COL18A1: variants seen among roughly 807,000 people sequenced by gnomAD.
The protein encoded by COL18A1 is collagen type XVIII alpha 1 chain, also known as collagen alpha-1(XVIII) chain.
COL18A1 carries 133 observed loss-of-function variants against 168.0 expected under a neutral mutation model. That is an observed-to-expected ratio of 0.79 (90% CI 0.69 to 0.91). The LOEUF (loss-of-function observed/expected upper bound fraction) is 0.91. Among genes scored for constraint, COL18A1 ranks in the 40% least tolerant of loss-of-function variants. The probability of loss-of-function intolerance (pLI) is 0.00; values close to 1 mark genes in which losing one functional copy is unlikely to be tolerated. For missense variants in COL18A1, 2,126 were observed against 1,925.4 expected (o/e 1.10, Z -1.95); for synonymous variants, 949 against 809.0 (o/e 1.17, Z -2.94).
In COL18A1 at chr21:45,505,390, G is replaced by A. The variant is rs1176444402; in HGVS notation, c.3046G>A (p.Gly1016Arg). 1 of 1,577,066 alleles carries A rather than the reference G, an allele frequency of 6.3e-7. No homozygotes were observed. The highest frequency in any genetic ancestry group is 1.7e-5 in the Admixed American group (1 of 58,158). ...CGTTCCCGGCCCTCCGGGCCCCCCT[G>A]GGCCCCCTGGGCCCCCTGGAACCAT... ...ISVPGPPGPP[G>R]PPGPPGTMGA... The change falls in exon 36 of 42, where the codon GGG becomes AGG. Residue 1016 changes from glycine (G) to arginine (R), a missense_variant. Gly to Arg is a moderately radical substitution (Grantham distance 125). Transcript: ENST00000651438.
At chr21:45,487,664 G>T in intron 17 of COL18A1, 155 bp downstream of exon 17, 1 of 936,302 alleles carries the variant, frequency 1.1e-6, no homozygotes. Context: ...TGCCCCGCGG[G>T]CCACCCTTGT....
rs2035739552 is a variant in COL18A1, at chr21:45,477,943, C to T, written c.1199C>T (p.Thr400Ile). The part of the protein sequence containing the change: ...GPPGPPGRDG[T>I]PGRDGEPGDP... Reference sequence around the variant, plus strand: ...CCAGGGCCTCCGGGGAGGGACGGCACCCCTGGAAGGGACGGCGAGCCGGTG... The same window carrying T: ...CCAGGGCCTCCGGGGAGGGACGGCATCCCTGGAAGGGACGGCGAGCCGGTG... The change falls in exon 8 of 42, where the codon ACC becomes ATC. Residue 400 changes from threonine (T) to isoleucine (I), a missense_variant. Coordinates refer to ENST00000651438, the MANE Select transcript of COL18A1 (RefSeq NM_001379500.1). 2.6e-6 allele frequency: 4 copies of T among 1,549,412 alleles called. No individual in the cohort carries two copies. Among genetic ancestry groups the T allele is most frequent in the African/African-American group, 1.4e-5 (1 of 73,298 alleles).
At chr21:45,468,820 A>T in intron 3 of COL18A1, 34 bp downstream of exon 3, 1 of 1,052,084 alleles carries the variant, frequency 9.5e-7, no homozygotes, top group Non-Finnish European at 1.4e-6. Flanking sequence ...GGGGGACTGG[A>T]GCAGCTGGGA....
intron 18 of COL18A1, 129 bp from the exon 19 acceptor site, chr21:45,489,357 G>A (rs1012144789): frequency 1.0e-4 from 81 of 777,630 alleles, no homozygotes; most frequent in South Asian, 2.5e-4. Context: ...GGGACCCCTC[G>A]GCTCTGGGCT....
chr21:45,475,663 C>T lies in COL18A1; in HGVS notation c.798+128C>T, dbSNP rs1602479643. ...TCCCTCTATGCCACGAAGACATATTCCTGGCTGGGGACAGGGATGCTGGGC... is the reference window on the plus strand; with the variant it reads ...TCCCTCTATGCCACGAAGACATATTTCTGGCTGGGGACAGGGATGCTGGGC... On this transcript the variant is annotated intron_variant, in intron 5 of 41. Transcript: ENST00000651438. The T allele has an allele frequency of 1.8e-5, 15 of 841,326 alleles. No individual in the cohort carries two copies. In the East Asian group the frequency reaches 4.0e-4, roughly 22 times the overall value. 52.1% of individuals were successfully genotyped at this position (841,326 alleles called of 1,614,324 possible).
At chr21:45,444,582 T>C (rs961170868) in intron 2 of COL18A1, among the ~76,000 whole-genome samples, 5 of 152,058 alleles carry the variant, frequency 3.3e-5, no homozygotes, top group African/African-American at 1.2e-4. Context: ...AAATGCCAGC[T>C]GCGAGCACCG....
At chr21:45,422,263 G>A in intron 2 of COL18A1, 1 of 329,948 alleles carries the variant, frequency 3.0e-6, no homozygotes, top group Non-Finnish European at 6.3e-6. Context: ...AGGGACCCTG[G>A]CACACCCGCT....
rs1205452584 is a variant in COL18A1, at chr21:45,509,563, A to G, written c.3457A>G (p.Ser1153Gly). Reference protein sequence around the residue: ...YVHLRPARPTSPPAHSHRDFQ... With the variant: ...YVHLRPARPTGPPAHSHRDFQ... ...GCACCTGCGGCCGGCGCGACCCACAAGCCCACCCGCCCACAGCCACCGCGA... is the reference window on the plus strand; with the variant it reads ...GCACCTGCGGCCGGCGCGACCCACAGGCCCACCCGCCCACAGCCACCGCGA... Residue 1153 changes from serine to glycine, a missense_variant, in exon 39 of 42, where the codon AGC (serine) becomes GGC (glycine). Physicochemically the swap from Ser to Gly is moderately conservative, Grantham distance 56 (BLOSUM62 0). Coordinates refer to ENST00000651438, the MANE Select transcript of COL18A1 (RefSeq NM_001379500.1). 12 of 1,532,590 alleles carry G rather than the reference A, an allele frequency of 7.8e-6. No individual in the cohort carries two copies. In the East Asian group the frequency reaches 2.4e-4, roughly 31 times the overall value. 94.9% of individuals were successfully genotyped at this position (1,532,590 alleles called of 1,614,324 possible).
chr21:45,430,756 G>C (rs1269128545), intron 2 of COL18A1, among the ~76,000 whole-genome samples: 4 of 152,218 alleles, frequency 2.6e-5, no homozygotes, highest in African/African-American at 9.6e-5. Context: ...TGGCCCGGCT[G>C]GCTTTCCCCG....
Position 45,509,514 on chromosome 21 carries a change from A to T in COL18A1, c.3408A>T (p.Gly1136=). Reference sequence around the variant, plus strand: ...TGCCCGAGCCCCAGCCCTACCCCGGAGCCCCGCACCACAGCTCCTACGTGC... The same window carrying T: ...TGCCCGAGCCCCAGCCCTACCCCGGTGCCCCGCACCACAGCTCCTACGTGC... ...PRLPEPQPYP[G]APHHSSYVHL... The change falls in exon 39 of 42, where the codon GGA becomes GGT. Residue 1136 remains glycine, a synonymous_variant. Transcript: ENST00000651438. 6.5e-7 allele frequency: 1 copy of T among 1,532,864 alleles called. No individual in the cohort carries two copies. Among genetic ancestry groups the T allele is most frequent in the African/African-American group, 1.4e-5 (1 of 73,376 alleles). 95.0% of individuals were successfully genotyped at this position (1,532,864 alleles called of 1,614,324 possible).
chr21:45,473,749 C>G lies in COL18A1; in HGVS notation c.652-146C>G, dbSNP rs1037125446. 6 of 722,228 alleles carry G rather than the reference C, an allele frequency of 8.3e-6. No homozygotes were observed. Among genetic ancestry groups the G allele is most frequent in the Middle Eastern group, 3.6e-4 (1 of 2,766 alleles). 44.7% of individuals were successfully genotyped at this position (722,228 alleles called of 1,614,324 possible). On this transcript the variant is annotated intron_variant, in intron 3 of 41. Coordinates refer to ENST00000651438, the MANE Select transcript of COL18A1 (RefSeq NM_001379500.1). The surrounding 1 kb of genome is among the most constrained non-coding windows in gnomAD (Gnocchi z 4.0). Reference sequence around the variant, plus strand: ...TCTTCCTACCATGAGGCATACCGCACCCCCAGGGAGGCTGCCCGAGACCCC... The same window carrying G: ...TCTTCCTACCATGAGGCATACCGCAGCCCCAGGGAGGCTGCCCGAGACCCC...
intron 3 of COL18A1, among the ~76,000 whole-genome samples, chr21:45,472,803 A>AC (rs954541124): frequency 5.7e-5 from 8 of 140,750 alleles, no homozygotes; most frequent in African/African-American, 1.2e-4. Context: ...CAGGGTCCAC[A>AC]CCCCCCCACG....
At position 45,497,659 on chromosome 21, in the gene COL18A1, C is replaced by G. The variant is rs946508947; in HGVS notation, c.2681C>G (p.Pro894Arg). 4 of 1,566,132 alleles carry G rather than the reference C, an allele frequency of 2.6e-6. No homozygotes were observed. The highest frequency in any genetic ancestry group is 3.5e-6 in the Non-Finnish European group (4 of 1,155,906). The change falls in exon 32 of 42, where the codon CCA becomes CGA. Residue 894 changes from proline (P) to arginine (R), a missense_variant and splice_region_variant. Pro to Arg is a moderately radical substitution (Grantham distance 103, BLOSUM62 -2). Transcript: ENST00000651438. Reference sequence around the variant, plus strand: ...GGAGAAGTGGGCCCCCCCGGACCACCAGGTGAGCAACTCTGGACATCCCAG... The same window carrying G: ...GGAGAAGTGGGCCCCCCCGGACCACGAGGTGAGCAACTCTGGACATCCCAG... ...AKGEVGPPGP[P>R]GQFPFDFLQL...
intron 2 of COL18A1, among the ~76,000 whole-genome samples, chr21:45,437,987 GAC>G (rs772373791): frequency 0.019 from 310 of 16,418 alleles, 20 homozygotes; most frequent in Non-Finnish European, 0.023. Context: ...CACACACTCA[GAC>G]ACACAGGCAC....
intron 15 of COL18A1, among the ~76,000 whole-genome samples, chr21:45,483,256 C>T (rs1302656579): frequency 6.6e-6 from 1 of 152,110 alleles, no homozygotes; most frequent in Non-Finnish European, 1.5e-5. Flanking sequence ...AGGGGAGCCC[C>T]ATCCACCCGT....
Position 45,510,274 on chromosome 21 carries a change from A to G in COL18A1, c.3693+13A>G, listed in dbSNP as rs1285378982. On this transcript the variant is annotated intron_variant, in intron 40 of 41. Coordinates refer to ENST00000651438, the MANE Select transcript of COL18A1 (RefSeq NM_001379500.1). Reference sequence around the variant, plus strand: ...CGTCAACCTCAAGGTGGGTCAGTCCAGTCCTGAGGGCGCGGGCTCCTCGGC... The same window carrying G: ...CGTCAACCTCAAGGTGGGTCAGTCCGGTCCTGAGGGCGCGGGCTCCTCGGC... 1.9e-6 allele frequency: 3 copies of G among 1,595,168 alleles called. No individual in the cohort carries two copies. The highest frequency in any genetic ancestry group is 2.7e-5 in the African/African-American group (2 of 74,372).
chr21:45,484,068 TTCTCCAGCATATGTACACACACACACC>T (rs1435190400), intron 15 of COL18A1, among the ~76,000 whole-genome samples: 8 of 37,992 alleles, frequency 2.1e-4, no homozygotes, highest in Non-Finnish European at 3.5e-4. Flanking sequence ...ACACACACAC[TTCTCCAGCATATGTACACACACACACC>T]TCTCCAGCAT....
chr21:45,475,416 C>T (rs2035611379), intron 4 of COL18A1, 60 bp from the exon 5 acceptor site: 8 of 1,479,900 alleles, frequency 5.4e-6, no homozygotes, highest in East Asian at 2.4e-5. Context: ...CCAGGCCTGC[C>T]GGGCTCGGGG....
At chr21:45,509,652 G>T in intron 39 of COL18A1, 51 bp downstream of exon 39, 1 of 983,834 alleles carries the variant, frequency 1.0e-6, no homozygotes, top group Non-Finnish European at 1.6e-6. Context: ...CTCGGCTCTC[G>T]GCAGCAGAAG....
Sources: gnomAD v4.1 joint callset for allele counts (sites outside exome capture counted in the v4.1 genomes callset) on GRCh38, gnomAD v4.1.1 for gene constraint, Gnocchi (gnomAD v3.1) non-coding constraint, MANE v1.5 for transcripts, NCBI Gene and HGNC (gene_info 2026-07-23, HGNC 2026-07-21) for gene names.